CERK: variants seen among roughly 807,000 people sequenced by gnomAD.
CERK encodes ceramide kinase.
Under a neutral mutation model 63.4 loss-of-function variants are expected in CERK, and 39 were observed. The observed-to-expected ratio is 0.61, with a 90% CI of 0.48 to 0.80. The LOEUF (loss-of-function observed/expected upper bound fraction) is 0.80, where lower values mean the gene tolerates loss of function less well. CERK is among the 30% of genes least tolerant of loss of function. The probability of loss-of-function intolerance (pLI) is 0.00; values close to 1 mark genes in which losing one functional copy is unlikely to be tolerated. For missense variants in CERK, 670 were observed against 714.1 expected (o/e 0.94, Z 0.70); for synonymous variants, 302 against 280.0 (o/e 1.08, Z -0.78).
intron 1 of CERK, among the ~76,000 whole-genome samples, chr22:46,737,058 C>T (rs931815262): frequency 2.6e-5 from 4 of 152,176 alleles, no homozygotes; most frequent in African/African-American, 9.7e-5. Flanking sequence ...CTTTGAGAGG[C>T]TGAGGTGGGC....
chr22:46,723,518 T>C (rs181221394), intron 1 of CERK, among the ~76,000 whole-genome samples: 2 of 151,846 alleles, frequency 1.3e-5, no homozygotes, highest in Non-Finnish European at 2.9e-5. Flanking sequence ...ACTCAGGAGA[T>C]TGAAGCATGA....
chr22:46,733,528 A>T (rs2082956635), intron 1 of CERK, among the ~76,000 whole-genome samples: 1 of 151,446 alleles, frequency 6.6e-6, no homozygotes, highest in Admixed American at 6.6e-5. Flanking sequence ...TCCTGACATC[A>T]AGTGATCCAC....
intron 6 of CERK, among the ~76,000 whole-genome samples, chr22:46,707,012 C>G (rs989850910): frequency 6.6e-6 from 1 of 152,076 alleles, no homozygotes; most frequent in African/African-American, 2.4e-5. Flanking sequence ...TGAGGGCTAG[C>G]CTTTCCCTTG....
rs761362852 is a variant in CERK, at chr22:46,690,104, T to TCCC, written c.1426_1428dup (p.Gly476dup). 2 of 1,613,642 alleles carry TCCC rather than the reference T, an allele frequency of 1.2e-6. No individual in the cohort carries two copies. The highest frequency in any genetic ancestry group is 2.7e-5 in the African/African-American group (2 of 74,850). On this transcript the variant is annotated inframe_insertion, in exon 12 of 13. Transcript: ENST00000216264. The stretch of plus-strand genomic sequence containing the variant: ...CTGCAAATGTGCCCAAAGCGCTTCT[T>TCCC]CCCCCCCTCCTTGAGGTCGCTGTCC...
In CERK at chr22:46,686,497, A is replaced by T. The variant is rs1436737483; in HGVS notation, c.*637T>A. The T allele has an allele frequency of 6.5e-6, 1 of 153,260 alleles. No individual in the cohort carries two copies. Among genetic ancestry groups the T allele is most frequent in the Non-Finnish European group, 1.5e-5 (1 of 68,660 alleles). The allele number at this position is 153,260 out of a possible 1,614,324, so 9.5% of individuals were successfully genotyped here. A position where few individuals can be genotyped will look rare whatever the true frequency, so the allele number is the denominator to read the frequency against. ...GTCATGCTCCCAGCCGGATTGTCGTAGCCTCGCCGCCGTGATGAGGCAGGT... is the reference window on the plus strand; with the variant it reads ...GTCATGCTCCCAGCCGGATTGTCGTTGCCTCGCCGCCGTGATGAGGCAGGT... On this transcript the variant is annotated 3_prime_UTR_variant, in exon 13 of 13. Transcript: ENST00000216264.
At chr22:46,736,016 C>A (rs1294546907) in intron 1 of CERK, among the ~76,000 whole-genome samples, 1 of 151,858 alleles carries the variant, frequency 6.6e-6, no homozygotes, top group Non-Finnish European at 1.5e-5. Flanking sequence ...AGGAAGCCCA[C>A]CAGCCAGGGC....
intron 1 of CERK, among the ~76,000 whole-genome samples, chr22:46,731,090 C>T (rs557880689): frequency 7.2e-4 from 110 of 152,382 alleles, no homozygotes; most frequent in African/African-American, 2.5e-3. Context: ...GGGGAGGCCA[C>T]GCAGGAAGCT....
At chr22:46,724,943 C>G (rs1468566164) in intron 1 of CERK, among the ~76,000 whole-genome samples, 1 of 152,090 alleles carries the variant, frequency 6.6e-6, no homozygotes, top group Non-Finnish European at 1.5e-5. Context: ...ATGGCATGAA[C>G]CAGGGAGGCG....
intron 1 of CERK, among the ~76,000 whole-genome samples, chr22:46,728,832 G>A (rs2082932559): frequency 6.6e-6 from 1 of 152,238 alleles, no homozygotes; most frequent in Admixed American, 6.5e-5. Context: ...CAGGGTGGGT[G>A]CAGGCCCCTG....
chr22:46,716,496 C>G (rs2082867178), intron 3 of CERK, among the ~76,000 whole-genome samples: 1 of 145,138 alleles, frequency 6.9e-6, no homozygotes, highest in Non-Finnish European at 1.5e-5. Flanking sequence ...CGGCCAAGAC[C>G]CCGTCTCTTA....
At chr22:46,731,153 G>A (rs921867090) in intron 1 of CERK, among the ~76,000 whole-genome samples, 2 of 152,246 alleles carry the variant, frequency 1.3e-5, no homozygotes, top group Non-Finnish European at 2.9e-5. Flanking sequence ...CTAGGCATTG[G>A]TGGAGACAAA....
At chr22:46,728,802 A>G (rs1215396136) in intron 1 of CERK, among the ~76,000 whole-genome samples, 1 of 152,190 alleles carries the variant, frequency 6.6e-6, no homozygotes, top group East Asian at 1.9e-4. Context: ...GGCCTCGGGG[A>G]CGTCTGAGCT....
At chr22:46,710,827 A>G (rs755428073) in intron 5 of CERK, among the ~76,000 whole-genome samples, 6 of 152,230 alleles carry the variant, frequency 3.9e-5, no homozygotes, top group Admixed American at 6.5e-5. Flanking sequence ...AGCACCGCAT[A>G]AGCACATCTT....
In CERK at chr22:46,690,109, C is replaced by G. The variant is rs144306156; in HGVS notation, c.1424G>C (p.Gly475Ala). 1.3e-4 allele frequency: 210 copies of G among 1,614,088 alleles called. 1 individual carries two copies. The South Asian group carries it at 1.4e-3, about 11-fold the overall frequency. Residue 475 changes from glycine (G) to alanine (A), a missense_variant, in exon 12 of 13, where the codon GGG (glycine) becomes GCG (alanine). Gly to Ala is a moderately conservative substitution (Grantham distance 60). Transcript: ENST00000216264. ...MEDEDSDLKEGGKKRFGHICS... is the reference protein window; with the variant it reads ...MEDEDSDLKEAGKKRFGHICS... ...AATGTGCCCAAAGCGCTTCTTCCCC[C>G]CCTCCTTGAGGTCGCTGTCCTCATC...
chr22:46,690,300 G>A (rs1234948723), intron 11 of CERK, 100 bp from the exon 12 acceptor site: 3 of 851,884 alleles, frequency 3.5e-6, no homozygotes, highest in Admixed American at 5.2e-5. Flanking sequence ...TGTCAGGCCT[G>A]GGTGCACACA....
intron 3 of CERK, among the ~76,000 whole-genome samples, chr22:46,715,436 T>G (rs1378510909): frequency 6.6e-6 from 1 of 152,226 alleles, no homozygotes; most frequent in African/African-American, 2.4e-5. Context: ...CACATTTCTA[T>G]ACACAAACAA....
At chr22:46,692,426 TAA>T (rs553286743) in intron 10 of CERK, among the ~76,000 whole-genome samples, 24 of 93,094 alleles carry the variant, frequency 2.6e-4, no homozygotes, top group African/African-American at 5.2e-4. Context: ...AACTCTGTCT[TAA>T]AAAAAAAAAA....
intron 1 of CERK, among the ~76,000 whole-genome samples, chr22:46,737,562 G>A (rs1174029696): frequency 6.6e-6 from 1 of 152,224 alleles, no homozygotes; most frequent in African/African-American, 2.4e-5. Context: ...CTGCAAGGGC[G>A]CCTCTCAGGT....
In CERK at chr22:46,698,735, T is replaced by C. The variant is rs1197077036; in HGVS notation, c.943+578A>G. On this transcript the variant is annotated intron_variant, in intron 8 of 12. Coordinates refer to ENST00000216264, the MANE Select transcript of CERK (RefSeq NM_022766.6). ...GCAAAACCCTTTGTCTACAAAAATA[T>C]ACAAAAAAAAAAAAAATTAGCTGGT... Among the ~76,000 whole-genome samples the C allele has an allele frequency of 3.9e-5, 3 of 77,862 alleles. No homozygotes were observed. The East Asian group carries it at 7.2e-4, about 19-fold the overall frequency. 51.1% of individuals were successfully genotyped at this position (77,862 alleles called of 152,430 possible). A position where few individuals can be genotyped will look rare whatever the true frequency, so the allele number is the denominator to read the frequency against.
Sources: gnomAD v4.1 joint callset for allele counts (sites outside exome capture counted in the v4.1 genomes callset) on GRCh38, gnomAD v4.1.1 for gene constraint, MANE v1.5 for transcripts, NCBI Gene and HGNC (gene_info 2026-07-23, HGNC 2026-07-21) for gene names.